PCDHGA7: variants seen among roughly 807,000 people sequenced by gnomAD.
The protein encoded by PCDHGA7 is protocadherin gamma-A7.
PCDHGA7 carries 44 observed loss-of-function variants against 58.3 expected under a neutral mutation model. The observed-to-expected ratio is 0.75, with a 90% confidence interval of 0.59 to 0.97. The LOEUF (loss-of-function observed/expected upper bound fraction) is 0.97. Among genes scored for constraint, PCDHGA7 ranks in the 50% least tolerant of loss-of-function variants. The pLI, the probability that PCDHGA7 is intolerant of heterozygous loss-of-function variation, is 0.00. For missense variants in PCDHGA7, 1,266 were observed against 1,188.7 expected, an observed-to-expected ratio of 1.06 and a Z score of -0.96; for synonymous variants, 516 against 504.2, an observed-to-expected ratio of 1.02 and a Z score of -0.31.
rs369691483 is a variant in PCDHGA7 at position 141,383,272 on chromosome 5, G to A, written c.373G>A (p.Asp125Asn). 65 of 1,613,802 alleles carry A rather than the reference G, an allele frequency of 4.0e-5. No homozygotes were observed. Among genetic ancestry groups the A allele is most frequent in the Non-Finnish European group, 5.3e-5 (62 of 1,179,884 alleles). Residue 125 changes from aspartate to asparagine, a missense_variant, in exon 1 of 4, where the codon GAT becomes AAT. By Grantham distance (23) the Asp-to-Asn change is conservative. Transcript: ENST00000518325. The stretch of plus-strand genomic sequence containing the variant: ...TTACCCTATAGACGTGGAAATAATA[G>A]ATATTAATGACAACGTTCCAAGATT... ...NLYPIDVEII[D>N]INDNVPRFLT...
intron 1 of PCDHGA7, chr5:141,415,653 G>C (rs947379829): frequency 1.4e-5 from 22 of 1,539,304 alleles, no homozygotes; most frequent in Non-Finnish European, 1.9e-5. Context: ...AAAAAAAAAA[G>C]ATTGGTTTTT....
At chr5:141,429,735 T>C (rs911956546) in intron 1 of PCDHGA7, among the ~76,000 whole-genome samples, 1 of 152,202 alleles carries the variant, frequency 6.6e-6, no homozygotes. Flanking sequence ...ACGTAGCCAG[T>C]TATTTCTTAG....
intron 1 of PCDHGA7, among the ~76,000 whole-genome samples, chr5:141,425,812 G>A (rs1472168775): frequency 6.6e-6 from 1 of 152,054 alleles, no homozygotes; most frequent in African/African-American, 2.4e-5. Context: ...CTTCTGCTTA[G>A]AAAAAAACAA....
At position 141,432,646 on chromosome 5, in the gene PCDHGA7, G is replaced by A. The variant is rs780822589; in HGVS notation, c.2424+47323G>A. 9.3e-6 allele frequency: 15 copies of A among 1,613,690 alleles called. No individual in the cohort carries two copies. The highest frequency in any genetic ancestry group is 1.3e-5 in the Non-Finnish European group (15 of 1,179,944). ...TGCACACGGGCGAGGTGCGCACGGCGCGAGCCCTGCTGGACAGAGACGCGC... is the reference window on the plus strand; with the variant it reads ...TGCACACGGGCGAGGTGCGCACGGCACGAGCCCTGCTGGACAGAGACGCGC... On this transcript the variant is annotated intron_variant, in intron 1 of 3. Transcript: ENST00000518325. This position sits in a 1 kb window ranked among gnomAD's most constrained non-coding sequence, Gnocchi z 6.0.
At position 141,383,772 on chromosome 5, in the gene PCDHGA7, G is replaced by A. The variant is rs187406135; in HGVS notation, c.873G>A (p.Met291Ile). The A allele has an allele frequency of 1.7e-5, 27 of 1,613,982 alleles. No homozygotes were observed. Among genetic ancestry groups the A allele is most frequent in the Admixed American group, 8.3e-5 (5 of 60,026 alleles). ...FRKITPKLPK[M>I]FHLNSLTGEI... ...AAATAACTCCTAAACTTCCAAAGAT[G>A]TTTCATCTGAACTCGCTTACAGGAG... is the stretch of plus-strand genomic sequence containing the variant. The change falls in exon 1 of 4, where the codon ATG becomes ATA. Residue 291 changes from methionine (M) to isoleucine (I), a missense_variant. Transcript: ENST00000518325.
At chr5:141,420,353 G>C (rs1281948860) in intron 1 of PCDHGA7, 1 of 1,382,260 alleles carries the variant, frequency 7.2e-7, no homozygotes, top group African/African-American at 1.5e-5. Context: ...ATTATTTTAA[G>C]ATTCTAGATA....
In PCDHGA7 at chr5:141,489,873, G is replaced by A. The variant is rs1252665956; in HGVS notation, c.2425-4934G>A. The A allele has an allele frequency of 4.3e-6, 7 of 1,614,224 alleles. No homozygotes were observed. The highest frequency in any genetic ancestry group is 5.9e-6 in the Non-Finnish European group (7 of 1,180,030). On this transcript the variant is annotated intron_variant, in intron 1 of 3. Coordinates refer to ENST00000518325, the MANE Select transcript of PCDHGA7 (RefSeq NM_018920.4). The surrounding 1 kb of genome is among the most constrained non-coding windows in gnomAD (Gnocchi z 4.5). Reference sequence around the variant, plus strand: ...AAGCCCAGGCAAGACATCAGCTGGTGCTTACTGCTGTGGATGGGGGGACCC... The same window carrying A: ...AAGCCCAGGCAAGACATCAGCTGGTACTTACTGCTGTGGATGGGGGGACCC...
rs568472427 is a variant in PCDHGA7, at chr5:141,460,924, A to G, written c.2425-33883A>G. 3.3e-4 allele frequency among the ~76,000 whole-genome samples: 50 copies of G among 150,592 alleles called. No homozygotes were observed. The East Asian group carries it at 6.6e-3, about 20-fold the overall frequency. Reference sequence around the variant, plus strand: ...AATATTCCATGGTGTATATATATATATGTGTGTGTGTATATATATGTATTA... The same window carrying G: ...AATATTCCATGGTGTATATATATATGTGTGTGTGTGTATATATATGTATTA... On this transcript the variant is annotated intron_variant, in intron 1 of 3. Coordinates refer to ENST00000518325, the MANE Select transcript of PCDHGA7 (RefSeq NM_018920.4).
intron 1 of PCDHGA7, chr5:141,408,637 T>C (rs766685548): frequency 4.3e-6 from 7 of 1,614,044 alleles, no homozygotes; most frequent in Non-Finnish European, 5.9e-6. Context: ...TTTTCGAATC[T>C]GCATCCGCTG....
At chr5:141,473,635 C>A (rs945632106) in intron 1 of PCDHGA7, among the ~76,000 whole-genome samples, 1 of 152,128 alleles carries the variant, frequency 6.6e-6, no homozygotes, top group African/African-American at 2.4e-5. Flanking sequence ...AGCAGCTTTC[C>A]TGGCAAAGGA....
intron 1 of PCDHGA7, chr5:141,441,364 C>T (rs533396852): frequency 6.6e-6 from 1 of 152,646 alleles, no homozygotes; most frequent in South Asian, 2.1e-4. Context: ...CAAATGGGGC[C>T]GTGGACCAGG....
intron 1 of PCDHGA7, among the ~76,000 whole-genome samples, chr5:141,466,613 C>T (rs772278295): frequency 1.2e-4 from 19 of 152,144 alleles, no homozygotes; most frequent in Non-Finnish European, 2.4e-4. Context: ...TGTAAACTGC[C>T]GTTTTCTTTG....
At chr5:141,478,794 G>A in intron 1 of PCDHGA7, 1 of 1,468,126 alleles carries the variant, frequency 6.8e-7, no homozygotes, top group Non-Finnish European at 9.0e-7. Flanking sequence ...CACATCCTCA[G>A]CACTCTTTTG....
At chr5:141,414,557 A>G (rs749209012) in intron 1 of PCDHGA7, 21 of 1,613,786 alleles carry the variant, frequency 1.3e-5, no homozygotes, top group Non-Finnish European at 1.8e-5. Context: ...CAAGTCTCCT[A>G]CTTTACCTAT....
At chr5:141,505,336 G>A in intron 2 of PCDHGA7, 57 bp from the exon 3 acceptor site, 2 of 1,611,374 alleles carry the variant, frequency 1.2e-6, no homozygotes, top group South Asian at 1.1e-5. Flanking sequence ...GAGGACAGGA[G>A]GGGCATGAGC....
At chr5:141,419,543 G>T (rs573594140) in intron 1 of PCDHGA7, 1 of 1,612,106 alleles carries the variant, frequency 6.2e-7, no homozygotes, top group East Asian at 2.2e-5. Flanking sequence ...CGCACCGCGG[G>T]TGCTGTACCC....
At chr5:141,398,740 C>G in intron 1 of PCDHGA7, 2 of 1,613,864 alleles carry the variant, frequency 1.2e-6, no homozygotes, top group Non-Finnish European at 1.7e-6. Context: ...CCGGGAACAA[C>G]AGAGTTACCA....
At chr5:141,403,524 A>T in intron 1 of PCDHGA7, 1 of 1,613,890 alleles carries the variant, frequency 6.2e-7, no homozygotes. Context: ...GGAGCCATAA[A>T]CCCAGAGCTG....
In PCDHGA7 at chr5:141,382,960, G is replaced by C. The variant is rs62621829; in HGVS notation, c.61G>C (p.Gly21Arg). The C allele has an allele frequency of 3.2e-4, 511 of 1,607,476 alleles. 2 individuals are homozygous for C. The highest frequency in any genetic ancestry group is 5.5e-5 in the Non-Finnish European group (65 of 1,175,660). Residue 21 changes from glycine to arginine, a missense_variant, in exon 1 of 4, where the codon GGG (glycine) becomes CGG (arginine). Gly to Arg is a moderately radical substitution (Grantham distance 125, BLOSUM62 -2). Coordinates refer to ENST00000518325, the MANE Select transcript of PCDHGA7 (RefSeq NM_018920.4). ...ATTCTTCCTGCTCTCCATCCTCCTGGGGACCCCCTGGGAAGCCTGGGCAGG... is the reference window on the plus strand; with the variant it reads ...ATTCTTCCTGCTCTCCATCCTCCTGCGGACCCCCTGGGAAGCCTGGGCAGG... ...RGFFLLSILL[G>R]TPWEAWAGRI...
Sources: gnomAD v4.1 joint callset for allele counts (sites outside exome capture counted in the v4.1 genomes callset) on GRCh38, gnomAD v4.1.1 for gene constraint, Gnocchi (gnomAD v3.1) non-coding constraint, MANE v1.5 for transcripts, NCBI Gene and HGNC (gene_info 2026-07-23, HGNC 2026-07-21) for gene names.